DOCK4: variants seen among roughly 807,000 people sequenced by gnomAD.
The protein encoded by DOCK4 is dedicator of cytokinesis protein 4.
Under a neutral mutation model 268.1 loss-of-function variants are expected in DOCK4, and 97 were observed. That is an observed-to-expected ratio of 0.36 (90% CI 0.31 to 0.43). The LOEUF is 0.43. DOCK4 is among the 20% of genes least tolerant of loss of function. The probability of loss-of-function intolerance (pLI) is 1.00; values close to 1 mark genes in which losing one functional copy is unlikely to be tolerated. For synonymous variants in DOCK4, 954 were observed against 887.2 expected (o/e 1.08, Z -1.34); for missense variants, 2,145 against 2,455.7 (o/e 0.87, Z 2.67).
intron 12 of DOCK4, among the ~76,000 whole-genome samples, chr7:111,923,747 A>G (rs1285922021): frequency 6.6e-6 from 1 of 152,196 alleles, no homozygotes; most frequent in Non-Finnish European, 1.5e-5. Context: ...TACTAGATGT[A>G]TGCTGGTCTT....
chr7:111,899,793 G>A (rs764753728), intron 15 of DOCK4, among the ~76,000 whole-genome samples: 24 of 152,138 alleles, frequency 1.6e-4, no homozygotes, highest in Non-Finnish European at 2.5e-4. Flanking sequence ...CGTGGTGGCC[G>A]GGCGCCTGTA....
At position 112,159,615 on chromosome 7, in the gene DOCK4, C is replaced by T. The variant is rs139459494; in HGVS notation, c.37+46487G>A. Among the ~76,000 whole-genome samples the T allele has an allele frequency of 4.2e-3, 645 of 152,094 alleles. 9 individuals are homozygous for T. Among genetic ancestry groups the T allele is most frequent in the African/African-American group, 0.014 (585 of 41,484 alleles). On this transcript the variant is annotated intron_variant, in intron 1 of 52. Coordinates refer to ENST00000428084, the MANE Select transcript of DOCK4 (RefSeq NM_001363540.2). ...TCCCTGACAAGGATGTGTCACGTTC[C>T]GTCCAAGTCTTATCCATCTGTTGGG...
chr7:112,181,772 G>T (rs926958393), intron 1 of DOCK4, among the ~76,000 whole-genome samples: 1 of 152,042 alleles, frequency 6.6e-6, no homozygotes, highest in Non-Finnish European at 1.5e-5. Flanking sequence ...AGGATCACAG[G>T]ATTGAAATGG....
chr7:111,891,609 T>C (rs1268062142), intron 16 of DOCK4, among the ~76,000 whole-genome samples: 4 of 152,222 alleles, frequency 2.6e-5, no homozygotes, highest in African/African-American at 4.8e-5. Context: ...AATACCAACA[T>C]GTGTGGGATG....
At chr7:111,892,838 T>C (rs1259590110) in intron 16 of DOCK4, among the ~76,000 whole-genome samples, 2 of 152,124 alleles carry the variant, frequency 1.3e-5, no homozygotes, top group Non-Finnish European at 2.9e-5. Context: ...GTATGAGAAA[T>C]AAAAATAAAA....
At chr7:111,883,449 T>C (rs1263927381) in intron 16 of DOCK4, among the ~76,000 whole-genome samples, 2 of 152,212 alleles carry the variant, frequency 1.3e-5, no homozygotes, top group Admixed American at 1.3e-4. Flanking sequence ...TCCTCAGGAT[T>C]TGGAGCCTGC....
intron 1 of DOCK4, among the ~76,000 whole-genome samples, chr7:112,100,062 T>C (rs1326038608): frequency 6.6e-6 from 1 of 152,178 alleles, no homozygotes; most frequent in Non-Finnish European, 1.5e-5. Context: ...TTAACAAAAA[T>C]AAATTCTGAC....
intron 39 of DOCK4, among the ~76,000 whole-genome samples, chr7:111,760,738 TTGTGTGTGTGTGTGTGTGTG>T (rs3997406): frequency 1.5e-4 from 20 of 137,002 alleles, no homozygotes; most frequent in South Asian, 1.3e-3. Context: ...TGTCTGCTTT[TTGTGTGTGTGTGTGTGTGTG>T]TGTGTGTGTG....
At chr7:111,743,007 A>G (rs1162279736) in intron 44 of DOCK4, among the ~76,000 whole-genome samples, 1 of 152,160 alleles carries the variant, frequency 6.6e-6, no homozygotes, top group Non-Finnish European at 1.5e-5. Context: ...AGAAAAAAAA[A>G]AGAAAAAAGA....
chr7:112,066,512 C>CTATA (rs113339431), intron 1 of DOCK4, among the ~76,000 whole-genome samples: 15 of 144,586 alleles, frequency 1.0e-4, no homozygotes, highest in African/African-American at 4.0e-4. Flanking sequence ...CTCTCTCTCT[C>CTATA]TATATATATA....
intron 1 of DOCK4, among the ~76,000 whole-genome samples, chr7:112,123,856 AAC>A (rs1294749872): frequency 2.6e-5 from 4 of 152,200 alleles, no homozygotes; most frequent in East Asian, 1.9e-4. Context: ...CCTAAATCTT[AAC>A]AGACAGAATC....
chr7:111,986,076 C>T (rs1190249996), intron 6 of DOCK4, among the ~76,000 whole-genome samples: 1 of 152,196 alleles, frequency 6.6e-6, no homozygotes, highest in Non-Finnish European at 1.5e-5. Context: ...TCCTGAGCCA[C>T]ACCTGATTGT....
At position 112,194,615 on chromosome 7, in the gene DOCK4, A is replaced by T. The variant is rs139861957; in HGVS notation, c.37+11487T>A. On this transcript the variant is annotated intron_variant, in intron 1 of 52. Transcript: ENST00000428084. ...CAGTCCAACCTCTAATCCTGAAAGG[A>T]AACCTCACAAAGGAAATAATGTTTG... Among the ~76,000 whole-genome samples the T allele has an allele frequency of 1.7e-3, 257 of 152,358 alleles. 2 individuals are homozygous for T. Among genetic ancestry groups the T allele is most frequent in the African/African-American group, 5.9e-3 (247 of 41,584 alleles).
At chr7:112,126,366 C>T (rs1278261709) in intron 1 of DOCK4, among the ~76,000 whole-genome samples, 1 of 152,058 alleles carries the variant, frequency 6.6e-6, no homozygotes, top group Non-Finnish European at 1.5e-5. Context: ...CACAAAAATA[C>T]CTACAGTTAA....
intron 1 of DOCK4, among the ~76,000 whole-genome samples, chr7:112,143,135 G>C (rs545183357): frequency 6.6e-6 from 1 of 151,600 alleles, no homozygotes; most frequent in Admixed American, 6.6e-5. Flanking sequence ...TCTAAAATTA[G>C]TTCAAAACCA....
chr7:112,169,340 T>C (rs568613328), intron 1 of DOCK4, among the ~76,000 whole-genome samples: 3 of 152,326 alleles, frequency 2.0e-5, no homozygotes, highest in Admixed American at 6.5e-5. Flanking sequence ...AATGGACTAA[T>C]ATGCCATTGC....
At chr7:111,767,139 T>C in intron 37 of DOCK4, 21 bp from the exon 38 acceptor site, 1 of 1,599,906 alleles carries the variant, frequency 6.3e-7, no homozygotes, top group Non-Finnish European at 8.6e-7. Flanking sequence ...ATGAATGAGA[T>C]CAATGGAACC....
intron 8 of DOCK4, 85 bp from the exon 9 acceptor site, chr7:111,945,883 G>A (rs916723449): frequency 3.0e-6 from 3 of 1,005,882 alleles, no homozygotes; most frequent in Non-Finnish European, 4.5e-6. Flanking sequence ...CATCACAACA[G>A]GTAAGCTAAA....
chr7:111,992,609 A>G (rs1431205318), intron 5 of DOCK4, among the ~76,000 whole-genome samples: 2 of 152,212 alleles, frequency 1.3e-5, no homozygotes, highest in African/African-American at 2.4e-5. Flanking sequence ...TCAAACCAAC[A>G]AAGTCTGTCC....
Sources: allele counts gnomAD v4.1 joint callset (sites outside exome capture counted in the v4.1 genomes callset), GRCh38; gene constraint gnomAD v4.1.1; transcripts MANE v1.5; gene names NCBI Gene and HGNC (gene_info 2026-07-23, HGNC 2026-07-21).